Variants in ZZZ3 observed in about 807,000 individuals in gnomAD.
The protein encoded by ZZZ3 is ZZ-type zinc finger-containing protein 3.
A neutral mutation model predicts 95.2 loss-of-function variants in ZZZ3; 22 were observed. The ratio of observed to expected loss-of-function variants is 0.23; its 90% confidence interval spans 0.17 to 0.33. The LOEUF (loss-of-function observed/expected upper bound fraction) is 0.33. Ranked by LOEUF, ZZZ3 falls within the 10% of genes least tolerant of loss-of-function variation. ZZZ3 has a pLI of 1.00. For missense variants in ZZZ3, 885 were observed against 1,066.5 expected (o/e 0.83, Z 2.37); for synonymous variants, 335 against 358.9 (o/e 0.93, Z 0.75).
rs776536772 is a variant in ZZZ3, at chr1:77,633,330, C to A, written c.25G>T (p.Val9Phe). ...TTTAACCCCACTGTTGATCTTGTAACACGAGTAGATCGGGAAGCAGCCATA... is the reference window on the plus strand; with the variant it reads ...TTTAACCCCACTGTTGATCTTGTAAAACGAGTAGATCGGGAAGCAGCCATA... Reference protein sequence around the residue: MAASRSTRVTRSTVGLNGL... With the variant: MAASRSTRFTRSTVGLNGL... The change falls in exon 5 of 15, where the codon GTT becomes TTT. Residue 9 changes from valine (V) to phenylalanine (F), a missense_variant. Transcript: ENST00000370801. 6 of 1,610,070 alleles carry A rather than the reference C, an allele frequency of 3.7e-6. No homozygotes were observed. The highest frequency in any genetic ancestry group is 5.1e-6 in the Non-Finnish European group (6 of 1,177,922).
intron 1 of ZZZ3, among the ~76,000 whole-genome samples, chr1:77,648,982 C>T (rs1045451104): frequency 6.6e-6 from 1 of 151,904 alleles, no homozygotes; most frequent in Non-Finnish European, 1.5e-5. Context: ...CAAAAATTAG[C>T]CAAGAGTGGT....
chr1:77,659,663 G>C (rs1670607685), intron 1 of ZZZ3, among the ~76,000 whole-genome samples: 1 of 147,928 alleles, frequency 6.8e-6, no homozygotes, highest in Admixed American at 6.8e-5. Flanking sequence ...AGCAGCCTGG[G>C]TGACAAAGAG....
At chr1:77,603,390 T>C (rs1385510045) in intron 5 of ZZZ3, among the ~76,000 whole-genome samples, 1 of 152,192 alleles carries the variant, frequency 6.6e-6, no homozygotes, top group Non-Finnish European at 1.5e-5. Context: ...CAACTATTAA[T>C]ACAATAGAAA....
intron 1 of ZZZ3, among the ~76,000 whole-genome samples, chr1:77,663,752 ATT>A (rs778252990): frequency 1.4e-5 from 2 of 142,670 alleles, no homozygotes. Flanking sequence ...AGTAAACCCT[ATT>A]TTTTTTTTTT....
At chr1:77,588,015 T>C (rs1287608228) in intron 5 of ZZZ3, among the ~76,000 whole-genome samples, 1 of 152,220 alleles carries the variant, frequency 6.6e-6, no homozygotes, top group Non-Finnish European at 1.5e-5. Flanking sequence ...CAGACAACAT[T>C]TGTGTTAATC....
chr1:77,569,369 G>T (rs2100469832), intron 12 of ZZZ3, among the ~76,000 whole-genome samples: 1 of 152,110 alleles, frequency 6.6e-6, no homozygotes, highest in East Asian at 1.9e-4. Context: ...GTATTAAGTT[G>T]AAGTATCCCT....
intron 5 of ZZZ3, among the ~76,000 whole-genome samples, chr1:77,619,758 A>G (rs376751004): frequency 5.3e-5 from 8 of 152,176 alleles, no homozygotes; most frequent in African/African-American, 1.9e-4. Context: ...CTCCTCTTAT[A>G]TGTCTCCACA....
upstream of ZZZ3, among the ~76,000 whole-genome samples, chr1:77,682,919 C>G (rs945829234): frequency 1.3e-5 from 2 of 152,196 alleles, no homozygotes; most frequent in Middle Eastern, 3.2e-3. Context: ...ATAAACAGAG[C>G]GCAGTGCGCT....
At chr1:77,606,985 T>C (rs544908515) in intron 5 of ZZZ3, among the ~76,000 whole-genome samples, 5 of 152,236 alleles carry the variant, frequency 3.3e-5, no homozygotes, top group Non-Finnish European at 7.4e-5. Context: ...CCTCACCAAA[T>C]GAACTAAACA....
At chr1:77,592,333 C>T (rs190448639) in intron 5 of ZZZ3, among the ~76,000 whole-genome samples, 13 of 152,246 alleles carry the variant, frequency 8.5e-5, no homozygotes, top group South Asian at 2.1e-4. Flanking sequence ...AAAAAAGTTT[C>T]GCTCTGTCCC....
At chr1:77,676,073 T>C (rs1306024021) in intron 1 of ZZZ3, among the ~76,000 whole-genome samples, 1 of 152,256 alleles carries the variant, frequency 6.6e-6, no homozygotes, top group Non-Finnish European at 1.5e-5. Context: ...ACTTTAAGCA[T>C]ACATCCTAAA....
At position 77,578,827 on chromosome 1, in the gene ZZZ3, C is replaced by T; in HGVS notation, c.2125G>A (p.Ala709Thr). Residue 709 changes from alanine to threonine, a missense_variant, in exon 11 of 15, where the codon GCT becomes ACT. Physicochemically the swap from Ala to Thr is moderately conservative, Grantham distance 58. Transcript: ENST00000370801. ...VQKYFIKLTKAGIPVPGRTPN... is the reference protein window; with the variant it reads ...VQKYFIKLTKTGIPVPGRTPN... ...GTTCTGCCTGGTACTGGAATGCCAG[C>T]TTTAGTTAGCTTTATGAAATACTTC... The T allele has an allele frequency of 6.3e-7, 1 of 1,575,460 alleles. No homozygotes were observed. The highest frequency in any genetic ancestry group is 8.6e-7 in the Non-Finnish European group (1 of 1,163,630).
At chr1:77,604,783 C>T (rs1263743236) in intron 5 of ZZZ3, among the ~76,000 whole-genome samples, 1 of 152,194 alleles carries the variant, frequency 6.6e-6, no homozygotes, top group East Asian at 1.9e-4. Context: ...CACTTAACCA[C>T]ATTCCAAAGT....
At chr1:77,646,663 A>G (rs1669305914) in intron 1 of ZZZ3, among the ~76,000 whole-genome samples, 1 of 152,196 alleles carries the variant, frequency 6.6e-6, no homozygotes, top group Non-Finnish European at 1.5e-5. Context: ...CCCACCTGAA[A>G]CAACTAAAAA....
chr1:77,644,668 CATA>C, intron 1 of ZZZ3, among the ~76,000 whole-genome samples: 1 of 152,286 alleles, frequency 6.6e-6, no homozygotes, highest in African/African-American at 2.4e-5. Context: ...AAATGAAACA[CATA>C]ATACCTGCCT....
rs565550932 is a variant in ZZZ3, at chr1:77,632,044, T to C, written c.1311A>G (p.Glu437=). 85 of 1,614,142 alleles carry C rather than the reference T, an allele frequency of 5.3e-5. 2 individuals are homozygous for C. In the South Asian group the frequency reaches 9.3e-4, roughly 18 times the overall value. The change falls in exon 5 of 15, where the codon GAA becomes GAG. Residue 437 remains glutamate, a synonymous_variant. Coordinates refer to ENST00000370801, the MANE Select transcript of ZZZ3 (RefSeq NM_015534.6). The stretch of plus-strand genomic sequence containing the variant: ...TTTGAGAGTCACAACATATCCCTTT[T>C]TCATTTTGAGAAATTTCACCAGGAT... ...PTNPGEISQN[E]KGICCDSQNN... is the part of the protein sequence containing the mutation.
At chr1:77,647,967 C>T (rs1481068054) in intron 1 of ZZZ3, among the ~76,000 whole-genome samples, 1 of 152,132 alleles carries the variant, frequency 6.6e-6, no homozygotes, top group Non-Finnish European at 1.5e-5. Context: ...CAGTGAACTC[C>T]ACTGTGTCCC....
At chr1:77,580,334 C>T (rs1039068021) in intron 9 of ZZZ3, 2 of 152,162 alleles carry the variant, frequency 1.3e-5, no homozygotes, top group African/African-American at 4.8e-5. Context: ...ACTTGACTTC[C>T]TCACCTCCCT....
At chr1:77,582,594 A>C (rs548871644) in intron 6 of ZZZ3, among the ~76,000 whole-genome samples, 31 of 152,172 alleles carry the variant, frequency 2.0e-4, no homozygotes, top group Non-Finnish European at 3.5e-4. Context: ...GAAAAATAGA[A>C]GAATCAATCT....
Sources: allele counts gnomAD v4.1 joint callset (sites outside exome capture counted in the v4.1 genomes callset), GRCh38; gene constraint gnomAD v4.1.1; transcripts MANE v1.5; gene names NCBI Gene and HGNC (gene_info 2026-07-23, HGNC 2026-07-21).